The following MEIOSIN variants were observed in gnomAD, a reference collection of about 807,000 sequenced individuals.
MEIOSIN encodes the protein meiosis initiator protein.
Under a neutral mutation model 23.4 loss-of-function variants are expected in MEIOSIN, and 18 were observed. The ratio of observed to expected loss-of-function variants is 0.77; its 90% CI spans 0.53 to 1.14. The LOEUF (loss-of-function observed/expected upper bound fraction) is 1.14. Among genes scored for constraint, MEIOSIN ranks in the 50% most tolerant of loss-of-function variants. MEIOSIN has a pLI of 0.00. For missense variants in MEIOSIN, 428 were observed against 242.9 expected, an observed-to-expected ratio of 1.76 and a Z score of -5.07; for synonymous variants, 187 against 100.6, an observed-to-expected ratio of 1.86 and a Z score of -5.14.
intron 5 of MEIOSIN, among the ~76,000 whole-genome samples, chr19:45,752,164 T>G (rs1169059504): frequency 1.3e-5 from 2 of 151,322 alleles, no homozygotes; most frequent in African/African-American, 4.8e-5. Flanking sequence ...GCAATCCTCC[T>G]GCCGCAGACT....
chr19:45,754,343 T>C, intron 6 of MEIOSIN, 136 bp from the exon 7 acceptor site: 2 of 600,682 alleles, frequency 3.3e-6, no homozygotes, highest in Non-Finnish European at 3.0e-6. Flanking sequence ...AGGCCTGTGA[T>C]TGAGGATCTG....
chr19:45,735,303 G>A, intron 1 of MEIOSIN, 74 bp from the exon 2 acceptor site: 2 of 693,632 alleles, frequency 2.9e-6, no homozygotes, highest in East Asian at 2.7e-5. Context: ...AAGATGAAGG[G>A]TGCCCATCAG....
Position 45,757,293 on chromosome 19 carries a change from T to A in MEIOSIN, c.1012+16T>A, listed in dbSNP as rs895900047. 1.4e-6 allele frequency: 1 copy of A among 700,554 alleles called. No individual in the cohort carries two copies. The highest frequency in any genetic ancestry group is 2.6e-6 in the Non-Finnish European group (1 of 383,500). The allele number at this position is 700,554 out of a possible 1,614,324, so 43.4% of individuals were successfully genotyped here. ...AGCCCCCAAGGTGACTGCAACTCTG[T>A]CTCTCCTCCTTGTAGGCTGGTGTGG... is the stretch of plus-strand genomic sequence containing the variant. On this transcript the variant is annotated intron_variant, in intron 9 of 14. Transcript: ENST00000457052.
rs183046736 is a variant in MEIOSIN, at chr19:45,739,973, G to A, written c.176+243G>A. Among the ~76,000 whole-genome samples the A allele has an allele frequency of 1.9e-3, 294 of 151,972 alleles. 2 individuals carry two copies. Among genetic ancestry groups the A allele is most frequent in the African/African-American group, 6.7e-3 (279 of 41,436 alleles). ...AGTGATTCTCCTGCCTCAACCTCCC[G>A]AGTAGTTGGGATTACAGGCACGTGC... On this transcript the variant is annotated intron_variant, in intron 3 of 14. Coordinates refer to ENST00000457052, the MANE Select transcript of MEIOSIN (RefSeq NM_001310124.2).
chr19:45,755,692 C>T (rs1047382556), intron 7 of MEIOSIN, among the ~76,000 whole-genome samples: 1 of 152,106 alleles, frequency 6.6e-6, no homozygotes, highest in African/African-American at 2.4e-5. Context: ...CGTGATCCAC[C>T]GCCTCAGCCT....
At position 45,763,246 on chromosome 19, in the gene MEIOSIN, G is replaced by A. The variant is rs567385532; in HGVS notation, c.1680-92G>A. On this transcript the variant is annotated intron_variant, in intron 13 of 14. Transcript: ENST00000457052. ...TCAGCTCCAGAGGGTGGTCTTGGAG[G>A]CCTTGTAGACCCACAAGGCTAGGAA... The A allele has an allele frequency of 2.8e-5, 11 of 397,684 alleles. No homozygotes were observed. In the South Asian group the frequency reaches 1.5e-3, roughly 54 times the overall value. 24.6% of individuals were successfully genotyped at this position (397,684 alleles called of 1,614,324 possible).
Position 45,761,716 on chromosome 19 carries a change from C to T in MEIOSIN, c.1283C>T (p.Ser428Phe). The T allele has an allele frequency of 1.4e-6, 1 of 703,068 alleles. No individual in the cohort carries two copies. The highest frequency in any genetic ancestry group is 2.6e-6 in the Non-Finnish European group (1 of 384,932). The allele number at this position is 703,068 out of a possible 1,614,324, so 43.6% of individuals were successfully genotyped here. A position where few individuals can be genotyped will look rare whatever the true frequency, so the allele number is the denominator to read the frequency against. ...ASKAPKDPPE[S>F]HSLHRSSVSL... ...AAGGCCCCCAAAGACCCTCCTGAGT[C>T]CCACAGCCTGCACCGGTCCTCAGTC... Residue 428 changes from serine to phenylalanine, a missense_variant, in exon 12 of 15, where the codon TCC becomes TTC. Transcript: ENST00000457052.
chr19:45,762,713 T>C (rs1214468315), intron 13 of MEIOSIN, among the ~76,000 whole-genome samples: 1 of 152,192 alleles, frequency 6.6e-6, no homozygotes. Flanking sequence ...ATTGCTGGGA[T>C]TACAGGTGTG....
intron 2 of MEIOSIN, among the ~76,000 whole-genome samples, chr19:45,736,171 C>T (rs1968405170): frequency 2.0e-5 from 3 of 151,998 alleles, no homozygotes; most frequent in Non-Finnish European, 2.9e-5. Flanking sequence ...TTCAGCCTTC[C>T]GAACAGCTAA....
intron 5 of MEIOSIN, 79 bp downstream of exon 5, chr19:45,750,865 C>T: frequency 4.1e-6 from 2 of 486,402 alleles, no homozygotes; most frequent in East Asian, 3.5e-5. Flanking sequence ...CTGAGTGACC[C>T]TTCTGTCAAG....
intron 5 of MEIOSIN, among the ~76,000 whole-genome samples, chr19:45,753,058 G>A (rs949838269): frequency 6.6e-6 from 1 of 151,764 alleles, no homozygotes; most frequent in East Asian, 1.9e-4. Context: ...CAAGTAACTG[G>A]GATTACAGGC....
intron 13 of MEIOSIN, 121 bp from the exon 14 acceptor site, chr19:45,763,217 C>T (rs1968984454): frequency 2.5e-6 from 1 of 396,938 alleles, no homozygotes; most frequent in Admixed American, 4.4e-5. Context: ...CTCCCTCTGC[C>T]TCCTCAGCTC....
chr19:45,759,644 G>A (rs1410341249), intron 11 of MEIOSIN, among the ~76,000 whole-genome samples, 154 bp downstream of exon 11: 1 of 151,794 alleles, frequency 6.6e-6, no homozygotes, highest in Non-Finnish European at 1.5e-5. Flanking sequence ...CCTTAAAACC[G>A]CCCCCCGACC....
chr19:45,748,353 T>G (rs1968632849), intron 4 of MEIOSIN, among the ~76,000 whole-genome samples: 1 of 152,214 alleles, frequency 6.6e-6, no homozygotes, highest in South Asian at 2.1e-4. Flanking sequence ...GTGCTGGGAT[T>G]ACAGGCGTGA....
intron 3 of MEIOSIN, among the ~76,000 whole-genome samples, chr19:45,743,981 G>T (rs1968549148): frequency 6.6e-6 from 1 of 151,290 alleles, no homozygotes; most frequent in African/African-American, 2.4e-5. Context: ...GCCTCTTCAT[G>T]TATTGGTGAC....
intron 9 of MEIOSIN, among the ~76,000 whole-genome samples, chr19:45,757,781 A>G (rs1968859499): frequency 6.6e-6 from 1 of 151,964 alleles, no homozygotes; most frequent in South Asian, 2.1e-4. Context: ...TCAGCCTCCC[A>G]AAGTGTTGGG....
chr19:45,745,496 C>T (rs1386248736), intron 4 of MEIOSIN, among the ~76,000 whole-genome samples, 175 bp downstream of exon 4: 2 of 152,106 alleles, frequency 1.3e-5, no homozygotes, highest in Non-Finnish European at 1.5e-5. Context: ...AACTAGGTGC[C>T]TGGAGGATCC....
intron 3 of MEIOSIN, among the ~76,000 whole-genome samples, chr19:45,743,176 T>C (rs1968536186): frequency 6.6e-6 from 1 of 152,138 alleles, no homozygotes. Flanking sequence ...CTAACCTCTG[T>C]GTTTACCCAG....
intron 2 of MEIOSIN, among the ~76,000 whole-genome samples, chr19:45,738,350 G>A (rs1968443596): frequency 6.6e-6 from 1 of 152,186 alleles, no homozygotes. Flanking sequence ...ATGGTTGATG[G>A]CTCAGGCCTG....
Sources: gnomAD v4.1 joint callset for allele counts (sites outside exome capture counted in the v4.1 genomes callset) on GRCh38, gnomAD v4.1.1 for gene constraint, MANE v1.5 for transcripts, NCBI Gene and HGNC (gene_info 2026-07-23, HGNC 2026-07-21) for gene names.